The following CATSPER1 variants were observed in gnomAD, a reference collection of about 807,000 sequenced individuals.
CATSPER1 encodes cation channel sperm associated 1.
In CATSPER1, 57 loss-of-function variants were observed where a neutral mutation model predicts 72.7. That is an observed-to-expected ratio of 0.78 (90% CI 0.63 to 0.98). The LOEUF (loss-of-function observed/expected upper bound fraction) is 0.98. Among genes scored for constraint, CATSPER1 ranks in the 50% least tolerant of loss-of-function variants. The pLI, the probability that CATSPER1 is intolerant of heterozygous loss-of-function variation, is 0.00. For missense variants in CATSPER1, 910 were observed against 1,033.9 expected, an observed-to-expected ratio of 0.88 and a Z score of 1.64; for synonymous variants, 363 against 403.0, an observed-to-expected ratio of 0.90 and a Z score of 1.19.
chr11:66,020,871 G>A lies in CATSPER1; in HGVS notation c.1867C>T (p.Leu623Phe). 1 of 1,613,974 alleles carries A rather than the reference G, an allele frequency of 6.2e-7. No homozygotes were observed. Residue 623 changes from leucine to phenylalanine, a missense_variant, in exon 6 of 12, where the codon CTC becomes TTC. Physicochemically the swap from Leu to Phe is conservative, Grantham distance 22. Coordinates refer to ENST00000312106, the MANE Select transcript of CATSPER1 (RefSeq NM_053054.4). This position sits in a 1 kb window ranked among gnomAD's most constrained non-coding sequence, Gnocchi z 4.5. ...TCATCCAGCGTGAGCAAGGTGAAGA[G>A]GGTGAAGATGGTGGTGAAGATGTTC... ...FQNIFTTIFT[L>F]FTLLTLDDWS...
At position 66,019,797 on chromosome 11, in the gene CATSPER1, G is replaced by T. The variant is rs180837736; in HGVS notation, c.2125+343C>A. Among the ~76,000 whole-genome samples, 242 of 151,824 alleles carry T rather than the reference G, an allele frequency of 1.6e-3. 2 individuals carry two copies. The highest frequency in any genetic ancestry group is 4.4e-4 in the Non-Finnish European group (30 of 67,958). On this transcript the variant is annotated intron_variant, in intron 9 of 11. Coordinates refer to ENST00000312106, the MANE Select transcript of CATSPER1 (RefSeq NM_053054.4). The stretch of plus-strand genomic sequence containing the variant: ...GCGAGTGTGCTGGCGCATGCCTGCA[G>T]TCTCAGCTACTCAGGAGGCTGAGAT...
At chr11:66,024,845 G>A (rs1856461380) in intron 1 of CATSPER1, among the ~76,000 whole-genome samples, 1 of 152,216 alleles carries the variant, frequency 6.6e-6, no homozygotes, top group African/African-American at 2.4e-5. Context: ...GGCAGCGACT[G>A]TGTTGAATTT....
rs1856245276 is a variant in CATSPER1, at chr11:66,016,789, G to A, written c.*101C>T. On this transcript the variant is annotated 3_prime_UTR_variant, in exon 12 of 12. Coordinates refer to ENST00000312106, the MANE Select transcript of CATSPER1 (RefSeq NM_053054.4). ...ACTCTGTTGGGGCCCCTGCTCTGCA[G>A]GGCCCGGACAATCATTCCAGCAGAT... is the stretch of plus-strand genomic sequence containing the variant. 1.4e-6 allele frequency: 2 copies of A among 1,401,714 alleles called. No homozygotes were observed. The highest frequency in any genetic ancestry group is 2.1e-5 in the Admixed American group (1 of 47,694). 86.8% of individuals were successfully genotyped at this position (1,401,714 alleles called of 1,614,324 possible).
At position 66,022,868 on chromosome 11, in the gene CATSPER1, A is replaced by T; in HGVS notation, c.1410T>A (p.Ala470=). The T allele has an allele frequency of 1.2e-6, 2 of 1,614,202 alleles. No individual in the cohort carries two copies. The highest frequency in any genetic ancestry group is 1.7e-6 in the Non-Finnish European group (2 of 1,180,034). Residue 470 remains alanine, a synonymous_variant, in exon 2 of 12, where the codon GCT becomes GCA. Coordinates refer to ENST00000312106, the MANE Select transcript of CATSPER1 (RefSeq NM_053054.4). The part of the protein sequence containing the change: ...NTVMLVAQTF[A]EVEIRGEWYF... ...TCTTACCGCCCCGGATCTCGACTTC[A>T]GCGAAGGTCTGGGCCACCAGCATGA...
At chr11:66,019,318 C>A (rs1214067226) in intron 9 of CATSPER1, among the ~76,000 whole-genome samples, 3 of 151,886 alleles carry the variant, frequency 2.0e-5, no homozygotes, top group Non-Finnish European at 4.4e-5. Context: ...ACTCTGCCGC[C>A]CAGGCTGGAG....
chr11:66,025,456 C>T lies in CATSPER1; in HGVS notation c.924G>A (p.Ala308=), dbSNP rs138686285. ...DYHQHQDHHG[A]YHSSYLHGDY... is the part of the protein sequence containing the mutation. Reference sequence around the variant, plus strand: ...CGCCATGGAGGTAACTGGAATGATACGCGCCGTGGTGGTCTTGGTGCTGAT... The same window carrying T: ...CGCCATGGAGGTAACTGGAATGATATGCGCCGTGGTGGTCTTGGTGCTGAT... Residue 308 remains alanine (A), a synonymous_variant, in exon 1 of 12, where the codon GCG becomes GCA. Coordinates refer to ENST00000312106, the MANE Select transcript of CATSPER1 (RefSeq NM_053054.4). 4.8e-5 allele frequency: 78 copies of T among 1,612,000 alleles called. No homozygotes were observed. Among genetic ancestry groups the T allele is most frequent in the East Asian group, 1.3e-4 (6 of 44,790 alleles).
chr11:66,022,648 T>G (rs1173781408), intron 2 of CATSPER1, among the ~76,000 whole-genome samples: 1 of 152,232 alleles, frequency 6.6e-6, no homozygotes, highest in Non-Finnish European at 1.5e-5. Context: ...GCCTCCCGCC[T>G]AGCGGGTCCT....
Position 66,026,142 on chromosome 11 carries a change from G to A in CATSPER1, c.238C>T (p.His80Tyr), listed in dbSNP as rs1181813357. The A allele has an allele frequency of 1.9e-6, 3 of 1,606,584 alleles. No homozygotes were observed. In the Admixed American group the frequency reaches 5.0e-5, roughly 27 times the overall value. The change falls in exon 1 of 12, where the codon CAC becomes TAC. Residue 80 changes from histidine to tyrosine, a missense_variant. Transcript: ENST00000312106. ...ALSSHVHQSH[H>Y]HSEARNHGRA... ...CCGTGATTCCGTGCCTCGCTGTGGT[G>A]GTGAGATTGGTGGACATGGGAGGAC... is the stretch of plus-strand genomic sequence containing the variant.
chr11:66,021,804 A>G lies in CATSPER1; in HGVS notation c.1505T>C (p.Leu502Pro), dbSNP rs535618233. Residue 502 changes from leucine (L) to proline (P), a missense_variant, in exon 3 of 12, where the codon CTG becomes CCG. Coordinates refer to ENST00000312106, the MANE Select transcript of CATSPER1 (RefSeq NM_053054.4). ...VVEALLKIIA[L>P]GLSYFFDFWN... ...GAAGTCAAAGAAGTACGAGAGGCCC[A>G]GGGCGATGATCTTGAGCAGGGCTTC... 2.5e-6 allele frequency: 4 copies of G among 1,614,190 alleles called. No homozygotes were observed. In the East Asian group the frequency reaches 8.9e-5, roughly 36 times the overall value.
At position 66,025,695 on chromosome 11, in the gene CATSPER1, A is replaced by G. The variant is rs748003564; in HGVS notation, c.685T>C (p.Ser229Pro). The G allele has an allele frequency of 6.8e-6, 11 of 1,613,108 alleles. No homozygotes were observed. The highest frequency in any genetic ancestry group is 2.7e-5 in the African/African-American group (2 of 74,586). ...TGCTGGTGGGCTTCATGATGACGGG[A>G]CCTGCCATGGTGGTGGACTTGGTGA... ...HHHQVHHHGR[S>P]RHHEAHQHGK... The change falls in exon 1 of 12, where the codon TCC (serine) becomes CCC (proline). Residue 229 changes from serine to proline, a missense_variant. Transcript: ENST00000312106.
chr11:66,020,841 A>G lies in CATSPER1; in HGVS notation c.1897T>C (p.Ser633Pro). 1 of 1,613,832 alleles carries G rather than the reference A, an allele frequency of 6.2e-7. No individual in the cohort carries two copies. Among genetic ancestry groups the G allele is most frequent in the Non-Finnish European group, 8.5e-7 (1 of 1,180,018 alleles). ...GCACGGCTGTCCATGTAGATGAGGG[A>G]CCAGTCATCCAGCGTGAGCAAGGTG... Reference protein sequence around the residue: ...LFTLLTLDDWSLIYMDSRAQG... With the variant: ...LFTLLTLDDWPLIYMDSRAQG... Residue 633 changes from serine (S) to proline (P), a missense_variant, in exon 6 of 12, where the codon TCC (serine) becomes CCC (proline). Transcript: ENST00000312106. This position sits in a 1 kb window ranked among gnomAD's most constrained non-coding sequence, Gnocchi z 4.5.
At position 66,026,206 on chromosome 11, in the gene CATSPER1, G is replaced by C. The variant is rs746179481; in HGVS notation, c.174C>G (p.His58Gln). ...HGVPHQRGES[H>Q]HPPEFQDFHD... ...GGAAGTCTTGGAACTCCGGAGGGTG[G>C]TGAGATTCACCACGTTGGTGGGGCA... Residue 58 changes from histidine (H) to glutamine (Q), a missense_variant, in exon 1 of 12, where the codon CAC (histidine) becomes CAG (glutamine). By Grantham distance (24) the His-to-Gln change is conservative. Transcript: ENST00000312106. 1.2e-6 allele frequency: 2 copies of C among 1,610,212 alleles called. No individual in the cohort carries two copies. The highest frequency in any genetic ancestry group is 2.2e-5 in the South Asian group (2 of 91,044).
Position 66,020,574 on chromosome 11 carries a change from T to G in CATSPER1, c.1981A>C (p.Ile661Leu). ...LVIYIIIQYFIFLNLVITVLV... is the reference protein window; with the variant it reads ...LVIYIIIQYFLFLNLVITVLV... ...GGGGTGAGTCCTCACTTGAGGAAGA[T>G]GAAGTACTGGATGATGATGTAAATT... The change falls in exon 7 of 12, where the codon ATC becomes CTC. Residue 661 changes from isoleucine (I) to leucine (L), a missense_variant. Ile to Leu is a conservative substitution (Grantham distance 5). Transcript: ENST00000312106. This position sits in a 1 kb window ranked among gnomAD's most constrained non-coding sequence, Gnocchi z 4.5. The G allele has an allele frequency of 2.5e-6, 4 of 1,611,944 alleles. No individual in the cohort carries two copies. The South Asian group carries it at 4.4e-5, about 18-fold the overall frequency.
In CATSPER1 at chr11:66,021,506, G is replaced by A. The variant is rs756226578; in HGVS notation, c.1681C>T (p.Arg561Trp). Residue 561 changes from arginine to tryptophan, a missense_variant, in exon 4 of 12, where the codon CGG becomes TGG. Transcript: ENST00000312106. ...GCCGTGGCCACTGACCTGAGCCTCCGCAGGACCCGGATTGCCCTCAGGGCC... is the reference window on the plus strand; with the variant it reads ...GCCGTGGCCACTGACCTGAGCCTCCACAGGACCCGGATTGCCCTCAGGGCC... ...LRALRAIRVL[R>W]RLSFLTSVQE... 6 of 1,613,348 alleles carry A rather than the reference G, an allele frequency of 3.7e-6. No individual in the cohort carries two copies. The highest frequency in any genetic ancestry group is 2.2e-5 in the South Asian group (2 of 91,064).
In CATSPER1 at chr11:66,022,910, A is replaced by C. The variant is rs1856406980; in HGVS notation, c.1368T>G (p.Val456=). 1 of 1,614,228 alleles carries C rather than the reference A, an allele frequency of 6.2e-7. No homozygotes were observed. The highest frequency in any genetic ancestry group is 1.6e-4 in the Middle Eastern group (1 of 6,062). ...CCAGCATGACGGTGTTGAGGCAGAC[A>C]ACGAAGAAGATGAAAGTTTCAAAGG... ...SLAFETFIFF[V]VCLNTVMLVA... is the part of the protein sequence containing the mutation. The change falls in exon 2 of 12, where the codon GTT becomes GTG. Residue 456 remains valine, a synonymous_variant. Coordinates refer to ENST00000312106, the MANE Select transcript of CATSPER1 (RefSeq NM_053054.4).
intron 11 of CATSPER1, 69 bp from the exon 12 acceptor site, chr11:66,016,985 T>C: frequency 3.1e-6 from 5 of 1,612,880 alleles, no homozygotes; most frequent in Non-Finnish European, 4.2e-6. Context: ...CCCATGGGAG[T>C]TACTTGGAGC....
chr11:66,022,967 C>G lies in CATSPER1; in HGVS notation c.1311G>C (p.Arg437=), dbSNP rs762481886. The G allele has an allele frequency of 1.2e-6, 2 of 1,614,260 alleles. No homozygotes were observed. Among genetic ancestry groups the G allele is most frequent in the Middle Eastern group, 1.6e-4 (1 of 6,062 alleles). ...EKLTFLIQGF[R]EMIRNLTQSL... ...ATTGGGTCAGGTTCCGGATCATTTCCCGGAAGCCCTGAATGAGGAAGGTTA... is the reference window on the plus strand; with the variant it reads ...ATTGGGTCAGGTTCCGGATCATTTCGCGGAAGCCCTGAATGAGGAAGGTTA... Residue 437 remains arginine, a synonymous_variant, in exon 2 of 12, where the codon CGG becomes CGC. Transcript: ENST00000312106.
rs1242318019 is a variant in CATSPER1, at chr11:66,020,101, C to CCA, written c.2125+38_2125+39insTG. 1.9e-6 allele frequency: 3 copies of CCA among 1,604,308 alleles called. No individual in the cohort carries two copies. Among genetic ancestry groups the CCA allele is most frequent in the Non-Finnish European group, 2.6e-6 (3 of 1,172,448 alleles). On this transcript the variant is annotated intron_variant, in intron 9 of 11. Transcript: ENST00000312106. This position sits in a 1 kb window ranked among gnomAD's most constrained non-coding sequence, Gnocchi z 4.5. ...GGGATGGAGAGACTGGCCCCCACTG[C>CCA]GGACGGGCAGGTGGGGCCAGGGCGG...
Position 66,022,912 on chromosome 11 carries a change from C to T in CATSPER1, c.1366G>A (p.Val456Ile). Residue 456 changes from valine to isoleucine, a missense_variant, in exon 2 of 12, where the codon GTT becomes ATT. By Grantham distance (29) the Val-to-Ile change is conservative (BLOSUM62 3). Transcript: ENST00000312106. ...SLAFETFIFF[V>I]VCLNTVMLVA... is the part of the protein sequence containing the mutation. ...AGCATGACGGTGTTGAGGCAGACAACGAAGAAGATGAAAGTTTCAAAGGCC... is the reference window on the plus strand; with the variant it reads ...AGCATGACGGTGTTGAGGCAGACAATGAAGAAGATGAAAGTTTCAAAGGCC... 1 of 1,614,206 alleles carries T rather than the reference C, an allele frequency of 6.2e-7. No homozygotes were observed. The highest frequency in any genetic ancestry group is 8.5e-7 in the Non-Finnish European group (1 of 1,180,040).
Sources: gnomAD v4.1 joint callset for allele counts (sites outside exome capture counted in the v4.1 genomes callset) on GRCh38, gnomAD v4.1.1 for gene constraint, Gnocchi (gnomAD v3.1) non-coding constraint, MANE v1.5 for transcripts, NCBI Gene and HGNC (gene_info 2026-07-23, HGNC 2026-07-21) for gene names.